The following MEIG1 variants were observed in gnomAD, a reference collection of about 807,000 sequenced individuals.
MEIG1 encodes the protein meiosis expressed gene 1 protein homolog.
MEIG1 carries 12 observed loss-of-function variants against 11.3 expected under a neutral mutation model. The observed-to-expected ratio is 1.07, with a 90% CI of 0.68 to 1.73. The LOEUF (loss-of-function observed/expected upper bound fraction) is 1.73, where lower values mean the gene tolerates loss of function less well. Ranked by LOEUF, MEIG1 falls within the 40% of genes most tolerant of loss-of-function variation. The probability of loss-of-function intolerance (pLI) is 0.00; values close to 1 mark genes in which losing one functional copy is unlikely to be tolerated. For synonymous variants in MEIG1, 41 were observed against 33.2 expected (o/e 1.24, Z -0.81); for missense variants, 119 against 104.9 (o/e 1.13, Z -0.59).
At chr10:14,975,814 T>C (rs1309091475), downstream of MEIG1, among the ~76,000 whole-genome samples, 2 of 152,072 alleles carry the variant, frequency 1.3e-5, no homozygotes, top group South Asian at 2.1e-4. Context: ...CCCAGTGATA[T>C]TGGTCCTAAT....
chr10:14,984,585 T>G (rs541746275), intron 1 of MEIG1, among the ~76,000 whole-genome samples: 2 of 152,050 alleles, frequency 1.3e-5, no homozygotes, highest in South Asian at 4.1e-4. Flanking sequence ...TTGATATTAT[T>G]CATAATATCC....
chr10:14,968,635 A>G (rs1483973985), intron 2 of MEIG1, among the ~76,000 whole-genome samples: 8 of 152,186 alleles, frequency 5.3e-5, no homozygotes, highest in Admixed American at 1.3e-4. Flanking sequence ...TAAAATACTG[A>G]TCAAGTGAAG....
At chr10:14,960,859 T>G (rs1312847479) in intron 1 of MEIG1, among the ~76,000 whole-genome samples, 2 of 151,922 alleles carry the variant, frequency 1.3e-5, no homozygotes, top group African/African-American at 4.8e-5. Flanking sequence ...AAACCTCGTC[T>G]CTACTAAAAA....
intron 1 of MEIG1, among the ~76,000 whole-genome samples, chr10:14,982,152 C>G (rs181720798): frequency 2.6e-5 from 4 of 152,238 alleles, no homozygotes; most frequent in Admixed American, 2.0e-4. Context: ...CACAGTCTCT[C>G]GTATAATTGT....
chr10:14,965,049 G>T (rs1843064045), intron 1 of MEIG1, among the ~76,000 whole-genome samples: 3 of 152,010 alleles, frequency 2.0e-5, no homozygotes, highest in African/African-American at 7.2e-5. Context: ...CTCCCCAACT[G>T]CTGGGATTAC....
the MEIG1 span, chr10:14,954,346 G>A: frequency 2.4e-6 from 1 of 421,490 alleles, no homozygotes; most frequent in Non-Finnish European, 4.4e-6. Flanking sequence ...GTCGCGGGAA[G>A]GGAAATCGAA....
downstream of MEIG1, among the ~76,000 whole-genome samples, chr10:14,973,215 C>T (rs1416822616): frequency 1.3e-5 from 2 of 152,054 alleles, no homozygotes; most frequent in Non-Finnish European, 2.9e-5. Flanking sequence ...GGGAAAACAC[C>T]TTTGAAATCA....
intron 1 of MEIG1, among the ~76,000 whole-genome samples, chr10:14,980,971 G>A (rs1589215209): frequency 1.3e-5 from 2 of 152,268 alleles, no homozygotes; most frequent in Middle Eastern, 6.8e-3. Context: ...CGAAGCAAGC[G>A]CAAATCCTGT....
chr10:14,982,408 T>C (rs542734154), intron 1 of MEIG1, among the ~76,000 whole-genome samples: 27 of 152,326 alleles, frequency 1.8e-4, no homozygotes, highest in Middle Eastern at 6.8e-3. Flanking sequence ...CTTGGAGGAC[T>C]CTTTGCCTTT....
chr10:14,967,218 T>A (rs1360842153), intron 2 of MEIG1, among the ~76,000 whole-genome samples: 1 of 152,224 alleles, frequency 6.6e-6, no homozygotes, highest in Admixed American at 6.5e-5. Flanking sequence ...CTCAGGTGAT[T>A]TCATTATCAG....
intron 1 of MEIG1, among the ~76,000 whole-genome samples, chr10:14,982,116 G>A (rs1262585643): frequency 6.6e-6 from 1 of 152,168 alleles, no homozygotes; most frequent in East Asian, 1.9e-4. Context: ...TCGGGATCGA[G>A]GGGAGTATAC....
At chr10:14,968,223 C>T in intron 2 of MEIG1, among the ~76,000 whole-genome samples, 1 of 152,170 alleles carries the variant, frequency 6.6e-6, no homozygotes, top group Non-Finnish European at 1.5e-5. Context: ...AGTGGTGGCT[C>T]ACGCCTGCAA....
At chr10:14,955,574 C>T (rs1842924232), upstream of MEIG1, among the ~76,000 whole-genome samples, 1 of 152,122 alleles carries the variant, frequency 6.6e-6, no homozygotes, top group East Asian at 1.9e-4. Flanking sequence ...CATGGTGGCA[C>T]ACATCTCCAG....
At chr10:14,985,459 T>C (rs1307257995) in intron 1 of MEIG1, among the ~76,000 whole-genome samples, 1 of 152,044 alleles carries the variant, frequency 6.6e-6, no homozygotes, top group Non-Finnish European at 1.5e-5. Context: ...ATGTACTCCA[T>C]CATATTAGTC....
At chr10:14,984,412 G>A (rs937596890) in intron 1 of MEIG1, among the ~76,000 whole-genome samples, 3 of 151,994 alleles carry the variant, frequency 2.0e-5, no homozygotes, top group Admixed American at 2.0e-4. Context: ...ATATTGTAGG[G>A]GAATGTTAAT....
intron 1 of MEIG1, among the ~76,000 whole-genome samples, chr10:14,986,200 C>G (rs908034378): frequency 2.6e-5 from 4 of 152,136 alleles, no homozygotes; most frequent in Admixed American, 2.6e-4. Context: ...TGGCGCATGC[C>G]TGTAATCCCA....
intron 1 of MEIG1, among the ~76,000 whole-genome samples, chr10:14,978,895 T>C (rs1843237562): frequency 6.6e-6 from 1 of 152,058 alleles, no homozygotes; most frequent in Non-Finnish European, 1.5e-5. Flanking sequence ...TGATATTACT[T>C]GTAATATTCT....
chr10:14,975,682 G>C (rs1360984914), downstream of MEIG1, among the ~76,000 whole-genome samples: 1 of 151,914 alleles, frequency 6.6e-6, no homozygotes, highest in African/African-American at 2.4e-5. Flanking sequence ...TATTCCAAGG[G>C]GGAGAGGATA....
chr10:14,986,097 C>G (rs1197343694), intron 1 of MEIG1, among the ~76,000 whole-genome samples: 1 of 152,122 alleles, frequency 6.6e-6, no homozygotes, highest in East Asian at 1.9e-4. Flanking sequence ...GGTATTAATT[C>G]TAATATCACA....
Sources: gnomAD v4.1 joint callset for allele counts (sites outside exome capture counted in the v4.1 genomes callset) on GRCh38, gnomAD v4.1.1 for gene constraint, MANE v1.5 for transcripts, NCBI Gene and HGNC (gene_info 2026-07-23, HGNC 2026-07-21) for gene names.